PFKL: variants seen among roughly 807,000 people sequenced by gnomAD.
The protein encoded by PFKL is phosphofructokinase, liver type.
In PFKL, 74 loss-of-function variants were observed where a neutral mutation model predicts 92.1. That is an observed-to-expected ratio of 0.80 (90% CI 0.67 to 0.97). The LOEUF (loss-of-function observed/expected upper bound fraction) is 0.97. PFKL is among the 50% of genes least tolerant of loss of function. The pLI is 0.00. For missense variants in PFKL, 1,028 were observed against 1,116.6 expected (o/e 0.92, Z 1.13); for synonymous variants, 494 against 456.4 (o/e 1.08, Z -1.05).
In PFKL at chr21:44,316,309, G is replaced by A. The variant is rs762308863; in HGVS notation, c.813G>A (p.Gly271=). 1 of 1,613,332 alleles carries A rather than the reference G, an allele frequency of 6.2e-7. No individual in the cohort carries two copies. The highest frequency in any genetic ancestry group is 1.1e-5 in the South Asian group (1 of 91,090). The change falls in exon 8 of 22, where the codon GGG becomes GGA. Residue 271 remains glycine, a synonymous_variant. Coordinates refer to ENST00000349048, the MANE Select transcript of PFKL (RefSeq NM_002626.6). Reference sequence around the variant, plus strand: ...CTGAGGGTGCCATTGACCGCAACGGGAAGCCCATCTCGTCCAGCTACGTGA... The same window carrying A: ...CTGAGGGTGCCATTGACCGCAACGGAAAGCCCATCTCGTCCAGCTACGTGA... ...IIAEGAIDRN[G]KPISSSYVKD...
intron 2 of PFKL, chr21:44,307,416 A>G (rs1171986652): frequency 1.9e-6 from 1 of 539,428 alleles, no homozygotes; most frequent in Non-Finnish European, 2.4e-6. Flanking sequence ...CACAGGCTGC[A>G]TTCTTGCCTT....
intron 16 of PFKL, 62 bp downstream of exon 16, chr21:44,323,980 A>T: frequency 6.3e-7 from 1 of 1,591,368 alleles, no homozygotes; most frequent in South Asian, 1.1e-5. Flanking sequence ...GGCTGAGCCT[A>T]CGGAGGCTGC....
intron 11 of PFKL, 70 bp from the exon 12 acceptor site, chr21:44,320,014 C>T: frequency 1.4e-6 from 2 of 1,427,592 alleles, no homozygotes; most frequent in Non-Finnish European, 2.0e-6. Flanking sequence ...TGGGCTCTGT[C>T]ACGGCTGCGC....
At position 44,316,316 on chromosome 21, in the gene PFKL, A is replaced by C. The variant is rs144588570; in HGVS notation, c.820A>C (p.Ile274Leu). 83 of 1,613,188 alleles carry C rather than the reference A, an allele frequency of 5.1e-5. No homozygotes were observed. The highest frequency in any genetic ancestry group is 6.8e-5 in the Non-Finnish European group (80 of 1,179,984). ...TGCCATTGACCGCAACGGGAAGCCC[A>C]TCTCGTCCAGCTACGTGAAGGACGT... ...EGAIDRNGKP[I>L]SSSYVKDLVV... Residue 274 changes from isoleucine (I) to leucine (L), a missense_variant, in exon 8 of 22, where the codon ATC (isoleucine) becomes CTC (leucine). Coordinates refer to ENST00000349048, the MANE Select transcript of PFKL (RefSeq NM_002626.6).
chr21:44,312,470 TC>T (rs2047076649), intron 4 of PFKL, among the ~76,000 whole-genome samples, 176 bp downstream of exon 4: 1 of 152,152 alleles, frequency 6.6e-6, no homozygotes. Flanking sequence ...CTCAGATGTC[TC>T]CCAGAGATGG....
In PFKL at chr21:44,311,424, A is replaced by G. The variant is rs998436179; in HGVS notation, c.237+341A>G. Among the ~76,000 whole-genome samples, 19 of 152,178 alleles carry G rather than the reference A, an allele frequency of 1.2e-4. No homozygotes were observed. The East Asian group carries it at 2.7e-3, about 22-fold the overall frequency. On this transcript the variant is annotated intron_variant, in intron 3 of 21. Coordinates refer to ENST00000349048, the MANE Select transcript of PFKL (RefSeq NM_002626.6). ...CACACAGACATGGAGACAGATACAC[A>G]TGGATAGACACATGCAGACACATAA...
intron 3 of PFKL, among the ~76,000 whole-genome samples, chr21:44,311,755 G>C (rs1464794729): frequency 2.0e-5 from 3 of 152,174 alleles, no homozygotes; most frequent in Non-Finnish European, 2.9e-5. Context: ...GGCCCTGGCC[G>C]GTTCCCTGAG....
chr21:44,306,149 C>T (rs995883425), intron 1 of PFKL, among the ~76,000 whole-genome samples: 16 of 152,346 alleles, frequency 1.1e-4, no homozygotes, highest in South Asian at 6.2e-4. Context: ...TGGGAGGTGC[C>T]GGCCTCTTTT....
chr21:44,312,902 G>A, intron 4 of PFKL, 76 bp from the exon 5 acceptor site: 1 of 1,489,434 alleles, frequency 6.7e-7, no homozygotes. Flanking sequence ...GGGAAGGGGT[G>A]GCAGGAGAGG....
At chr21:44,303,235 AAAAC>A (rs1463806883) in intron 1 of PFKL, among the ~76,000 whole-genome samples, 2 of 128,054 alleles carry the variant, frequency 1.6e-5, no homozygotes, top group East Asian at 4.2e-4. Flanking sequence ...TCTGTTGCAA[AAAAC>A]AAACAAGAAA....
chr21:44,318,083 C>G (rs1483951827), intron 9 of PFKL, among the ~76,000 whole-genome samples: 1 of 152,250 alleles, frequency 6.6e-6, no homozygotes, highest in Non-Finnish European at 1.5e-5. Flanking sequence ...CCGGTGCGGA[C>G]ACACACCAGG....
intron 1 of PFKL, chr21:44,305,747 A>G: frequency 7.4e-7 from 1 of 1,357,514 alleles, no homozygotes. Context: ...TGTGGGGTAC[A>G]TTAGCACCAG....
intron 3 of PFKL, among the ~76,000 whole-genome samples, chr21:44,311,494 A>G (rs2047047103): frequency 6.6e-6 from 1 of 152,346 alleles, no homozygotes; most frequent in East Asian, 1.9e-4. Flanking sequence ...ACACAGGTAC[A>G]CAGATACAGA....
intron 1 of PFKL, among the ~76,000 whole-genome samples, chr21:44,302,273 G>A (rs1297083720): frequency 6.6e-6 from 1 of 152,260 alleles, no homozygotes; most frequent in Non-Finnish European, 1.5e-5. Context: ...CTCTGTATGT[G>A]AGCTCCCATG....
chr21:44,304,282 G>A (rs1474639991), intron 1 of PFKL: 15 of 1,289,048 alleles, frequency 1.2e-5, no homozygotes, highest in Non-Finnish European at 9.1e-6. Flanking sequence ...CAGGTCCCCT[G>A]ACAAGCCCAC....
intron 18 of PFKL, 117 bp downstream of exon 18, chr21:44,325,034 C>A: frequency 8.3e-7 from 1 of 1,211,014 alleles, no homozygotes; most frequent in Non-Finnish European, 1.2e-6. Context: ...AGAGGGTGGG[C>A]CAGGGCGGCT....
chr21:44,301,348 C>T (rs1395614909), intron 1 of PFKL, among the ~76,000 whole-genome samples: 2 of 152,218 alleles, frequency 1.3e-5, no homozygotes, highest in African/African-American at 2.4e-5. Flanking sequence ...TGCTTGTTGC[C>T]GGCTACTGGC....
chr21:44,303,310 C>T (rs2040827384), intron 1 of PFKL, among the ~76,000 whole-genome samples: 1 of 150,744 alleles, frequency 6.6e-6, no homozygotes, highest in Non-Finnish European at 1.5e-5. Context: ...ACTCGGGAGG[C>T]AGAGGCAGGA....
intron 11 of PFKL, 100 bp from the exon 12 acceptor site, chr21:44,319,984 T>C: frequency 9.5e-7 from 1 of 1,047,580 alleles, no homozygotes; most frequent in Non-Finnish European, 1.5e-6. Context: ...CATCGGGCCG[T>C]GTGCCTGTGA....
Sources: allele counts gnomAD v4.1 joint callset (sites outside exome capture counted in the v4.1 genomes callset), GRCh38; gene constraint gnomAD v4.1.1; transcripts MANE v1.5; gene names NCBI Gene and HGNC (gene_info 2026-07-23, HGNC 2026-07-21).